LYST: variants seen among roughly 807,000 people sequenced by gnomAD.
LYST encodes the protein lysosomal-trafficking regulator.
LYST carries 192 observed loss-of-function variants against 413.6 expected under a neutral mutation model. The observed-to-expected ratio is 0.46, with a 90% CI of 0.41 to 0.52. LYST has a LOEUF of 0.52. Ranked by LOEUF, LYST falls within the 20% of genes least tolerant of loss-of-function variation. The probability of loss-of-function intolerance (pLI) is 0.00; values close to 1 mark genes in which losing one functional copy is unlikely to be tolerated. For missense variants in LYST, 3,815 were observed against 4,499.9 expected (o/e 0.85, Z 4.35); for synonymous variants, 1,525 against 1,567.3 (o/e 0.97, Z 0.64).
At chr1:235,803,199 T>C (rs962078504) in intron 7 of LYST, 135 bp from the exon 8 acceptor site, 6 of 709,216 alleles carry the variant, frequency 8.5e-6, no homozygotes, top group Admixed American at 8.3e-5. Flanking sequence ...ATATGAATCA[T>C]TATAAATTAT....
intron 31 of LYST, chr1:235,737,958 T>TTAACAA: frequency 6.2e-6 from 8 of 1,280,900 alleles, no homozygotes; most frequent in Middle Eastern, 3.1e-4. Context: ...CCGCCGGACG[T>TTAACAA]GCATTCTCGA....
chr1:235,779,885 G>A (rs1485587742), intron 16 of LYST, among the ~76,000 whole-genome samples: 2 of 151,990 alleles, frequency 1.3e-5, no homozygotes, highest in East Asian at 3.9e-4. Context: ...AGAGAAAGAG[G>A]AACCCAGTTT....
rs1277973290 is a variant in LYST at position 235,759,581 on chromosome 1, A to G, written c.6272T>C (p.Ile2091Thr). 1.2e-6 allele frequency: 2 copies of G among 1,613,220 alleles called. No homozygotes were observed. The highest frequency in any genetic ancestry group is 1.7e-5 in the Admixed American group (1 of 59,986). The stretch of plus-strand genomic sequence containing the variant: ...ATGGGCGGCCATCTGTTGTGGAATA[A>G]TATTAGAGGAATTCTCTCCTGGTAA... ...SPYEGENSSN[I>T]IPQQMAAHML... The change falls in exon 23 of 53, where the codon ATT becomes ACT. Residue 2091 changes from isoleucine to threonine, a missense_variant. Physicochemically the swap from Ile to Thr is moderately conservative, Grantham distance 89. Around this residue, in one of 4 missense-constraint regions of LYST, gnomAD observed 530 missense variants for 696.5 expected, o/e 0.76. Transcript: ENST00000389793.
chr1:235,688,255 C>T (rs1660367265), intron 47 of LYST, among the ~76,000 whole-genome samples: 1 of 152,156 alleles, frequency 6.6e-6, no homozygotes, highest in Non-Finnish European at 1.5e-5. Flanking sequence ...TTTCTATATC[C>T]TGAAACATTT....
At chr1:235,820,241 G>A (rs563914318) in intron 3 of LYST, among the ~76,000 whole-genome samples, 2 of 152,348 alleles carry the variant, frequency 1.3e-5, no homozygotes, top group South Asian at 2.1e-4. Context: ...AAACCGGACT[G>A]ATGTCTAGGA....
Position 235,752,025 on chromosome 1 carries a change from C to T in LYST, c.7607G>A (p.Ser2536Asn), listed in dbSNP as rs746024404. The change falls in exon 27 of 53, where the codon AGC becomes AAC. Residue 2536 changes from serine to asparagine, a missense_variant. By Grantham distance (46) the Ser-to-Asn change is conservative (BLOSUM62 1). Transcript: ENST00000389793. ...LIVMLGYLQN[S>N]KNKRTQNMAV... is the part of the protein sequence containing the mutation. ...CTTACTTTGTGTCCTCTTGTTTTTGCTATTTTGAAGATATCCAAGCATTAC... is the reference window on the plus strand; with the variant it reads ...CTTACTTTGTGTCCTCTTGTTTTTGTTATTTTGAAGATATCCAAGCATTAC... 20 of 1,610,182 alleles carry T rather than the reference C, an allele frequency of 1.2e-5. No individual in the cohort carries two copies. In the South Asian group the frequency reaches 2.1e-4, roughly 17 times the overall value.
intron 3 of LYST, among the ~76,000 whole-genome samples, chr1:235,817,366 T>C (rs1479400998): frequency 6.6e-6 from 1 of 152,048 alleles, no homozygotes; most frequent in Non-Finnish European, 1.5e-5. Context: ...AGCAATCCCA[T>C]TATTGGGTAT....
At chr1:235,675,332 C>T (rs550616013) in intron 50 of LYST, among the ~76,000 whole-genome samples, 1 of 152,156 alleles carries the variant, frequency 6.6e-6, no homozygotes, top group East Asian at 1.9e-4. Context: ...AGTTAGAAAA[C>T]TTTAAGTCTT....
chr1:235,678,918 A>C (rs1358807627), intron 48 of LYST, among the ~76,000 whole-genome samples: 2 of 152,076 alleles, frequency 1.3e-5, no homozygotes, highest in Non-Finnish European at 2.9e-5. Context: ...TCTGCATCTT[A>C]CCTTTTCTCA....
At chr1:235,817,035 A>T (rs1213912403) in intron 3 of LYST, among the ~76,000 whole-genome samples, 4 of 152,162 alleles carry the variant, frequency 2.6e-5, no homozygotes, top group Non-Finnish European at 5.9e-5. Context: ...TAAAAGACAA[A>T]TGGCCCTATT....
chr1:235,737,844 A>G, intron 31 of LYST: 1 of 981,728 alleles, frequency 1.0e-6, no homozygotes, highest in Non-Finnish European at 1.2e-6. Context: ...AGGGAAGGAA[A>G]CAGCATTTAT....
At chr1:235,721,173 T>C (rs1217351617) in intron 39 of LYST, among the ~76,000 whole-genome samples, 2 of 152,042 alleles carry the variant, frequency 1.3e-5, no homozygotes, top group South Asian at 4.2e-4. Context: ...AAAAGTCACT[T>C]AAGACACAGA....
At chr1:235,845,403 G>A (rs1451300144) in intron 1 of LYST, among the ~76,000 whole-genome samples, 1 of 152,200 alleles carries the variant, frequency 6.6e-6, no homozygotes, top group East Asian at 1.9e-4. Context: ...AGGGTGGCTA[G>A]AGGAGCAGGG....
chr1:235,874,519 G>T (rs1681059686), intron 1 of LYST, among the ~76,000 whole-genome samples: 1 of 152,176 alleles, frequency 6.6e-6, no homozygotes, highest in African/African-American at 2.4e-5. Flanking sequence ...TAAACACTCA[G>T]CAGGCTTTGA....
chr1:235,836,830 G>A (rs751412811), intron 1 of LYST, among the ~76,000 whole-genome samples: 8 of 152,180 alleles, frequency 5.3e-5, no homozygotes, highest in Admixed American at 1.3e-4. Flanking sequence ...GGAAAATAAC[G>A]TTCAGTTTTA....
At chr1:235,671,281 C>T (rs902540144) in intron 50 of LYST, among the ~76,000 whole-genome samples, 6 of 152,044 alleles carry the variant, frequency 3.9e-5, no homozygotes, top group African/African-American at 1.4e-4. Context: ...ATGGAGAAGA[C>T]AAATAATAAC....
At chr1:235,698,751 C>T (rs1050226148) in intron 45 of LYST, among the ~76,000 whole-genome samples, 13 of 151,914 alleles carry the variant, frequency 8.6e-5, no homozygotes, top group Non-Finnish European at 1.5e-4. Context: ...CGGGTGCCTG[C>T]AGTCCCAGCT....
intron 10 of LYST, 89 bp downstream of exon 10, chr1:235,800,231 T>G: frequency 3.7e-5 from 33 of 886,846 alleles, no homozygotes; most frequent in Non-Finnish European, 6.1e-5. Flanking sequence ...ATCACAGGCA[T>G]GAGCCACCAC....
intron 45 of LYST, among the ~76,000 whole-genome samples, chr1:235,699,204 T>A (rs1421718648): frequency 1.3e-5 from 2 of 152,150 alleles, no homozygotes; most frequent in Non-Finnish European, 2.9e-5. Context: ...CAACCCATCA[T>A]CTAGGTTTTG....
Sources: gnomAD v4.1 joint callset for allele counts (sites outside exome capture counted in the v4.1 genomes callset) on GRCh38, gnomAD v4.1.1 for gene constraint, gnomAD v4.1.1 regional missense constraint, MANE v1.5 for transcripts, NCBI Gene and HGNC (gene_info 2026-07-23, HGNC 2026-07-21) for gene names.